Variants in LITAF observed in about 807,000 individuals in gnomAD.
LITAF encodes lipopolysaccharide induced TNF factor.
LITAF carries 9 observed loss-of-function variants against 14.5 expected under a neutral mutation model. That is an observed-to-expected ratio of 0.62 (90% CI 0.37 to 1.08). The LOEUF (loss-of-function observed/expected upper bound fraction) is 1.08. Ranked by LOEUF, LITAF falls within the 50% of genes least tolerant of loss-of-function variation. LITAF has a pLI of 0.01. For missense variants in LITAF, 206 were observed against 213.4 expected (o/e 0.97, Z 0.22); for synonymous variants, 98 against 88.2 (o/e 1.11, Z -0.62).
intron 1 of LITAF, among the ~76,000 whole-genome samples, chr16:11,565,004 A>G (rs886126206): frequency 8.6e-4 from 72 of 83,698 alleles, no homozygotes; most frequent in African/African-American, 3.6e-3. Flanking sequence ...GCACTGAATT[A>G]TCTTTTTTTT....
chr16:11,593,032 G>T (rs1475432171), intron 1 of LITAF, among the ~76,000 whole-genome samples: 1 of 152,078 alleles, frequency 6.6e-6, no homozygotes, highest in Non-Finnish European at 1.5e-5. Flanking sequence ...TTAGCCGGGC[G>T]TTATGGCAGG....
intron 1 of LITAF, among the ~76,000 whole-genome samples, chr16:11,565,703 GCA>G (rs895112391): frequency 4.6e-5 from 7 of 151,992 alleles, no homozygotes; most frequent in African/African-American, 1.4e-4. Flanking sequence ...CCTACCAACC[GCA>G]CAGTCTCTCG....
intron 3 of LITAF, among the ~76,000 whole-genome samples, chr16:11,615,372 A>G (rs1044409259): frequency 2.0e-5 from 3 of 152,214 alleles, no homozygotes; most frequent in Admixed American, 6.5e-5. Context: ...CCCCGTCTCT[A>G]CTAAAAATAC....
rs543334091 is a variant in LITAF at position 11,565,838 on chromosome 16, C to T, written c.-5-9103G>A. On this transcript the variant is annotated intron_variant, in intron 1 of 3. Transcript: ENST00000622633. ...ATTCCGCTTAGCTTGCGTGTCACCT[C>T]CTCCAAGAAGCCCTCTCTGCTTGCC... is the stretch of plus-strand genomic sequence containing the variant. Among the ~76,000 whole-genome samples, 10 of 151,632 alleles carry T rather than the reference C, an allele frequency of 6.6e-5. 1 individual carries two copies. In the South Asian group the frequency reaches 1.7e-3, roughly 25 times the overall value.
intron 1 of LITAF, among the ~76,000 whole-genome samples, chr16:11,570,578 T>C (rs1357878728): frequency 6.6e-6 from 1 of 152,216 alleles, no homozygotes; most frequent in Admixed American, 6.5e-5. Flanking sequence ...GCTCTGAATA[T>C]GTGACCTTAA....
Position 11,594,628 on chromosome 16 carries a change from C to A in LITAF, c.-6+3760G>T, listed in dbSNP as rs117639234. On this transcript the variant is annotated intron_variant, in intron 1 of 3. Coordinates refer to the LITAF transcript ENST00000571627. ...TGGTGGCTCACACCTGCAACCCCAA[C>A]ACTTTAGGAGGCTGAGGCAGGTGGA... Among the ~76,000 whole-genome samples the A allele has an allele frequency of 1.4e-3, 209 of 152,266 alleles. 2 individuals carry two copies. In the East Asian group the frequency reaches 0.018, roughly 13 times the overall value.
intron 1 of LITAF, among the ~76,000 whole-genome samples, chr16:11,595,203 A>G (rs1317809333): frequency 6.6e-6 from 1 of 152,196 alleles, no homozygotes; most frequent in Non-Finnish European, 1.5e-5. Flanking sequence ...TCCTCAAAAA[A>G]GGTCCATGCA....
At position 11,548,278 on chromosome 16, in the gene LITAF, G is replaced by A. The variant is rs1260033823; in HGVS notation, c.*1359C>T. ...AGCCCAGCTTTGTCTTGACTTCAAAGATGACACAGCAGCCAACCTAGAATC... is the reference window on the plus strand; with the variant it reads ...AGCCCAGCTTTGTCTTGACTTCAAAAATGACACAGCAGCCAACCTAGAATC... On this transcript the variant is annotated 3_prime_UTR_variant, in exon 4 of 4. Coordinates refer to ENST00000622633, the MANE Select transcript of LITAF (RefSeq NM_001136472.2). 2.2e-6 allele frequency: 1 copy of A among 453,936 alleles called. No individual in the cohort carries two copies. The highest frequency in any genetic ancestry group is 4.4e-6 in the Non-Finnish European group (1 of 226,778). 28.1% of individuals were successfully genotyped at this position (453,936 alleles called of 1,614,324 possible). A position where few individuals can be genotyped will look rare whatever the true frequency, so the allele number is the denominator to read the frequency against.
chr16:11,581,432 A>C lies in LITAF; in HGVS notation c.-6+5454T>G, dbSNP rs150562408. Among the ~76,000 whole-genome samples the C allele has an allele frequency of 6.4e-3, 979 of 152,200 alleles. 13 individuals carry two copies. Among genetic ancestry groups the C allele is most frequent in the African/African-American group, 0.022 (919 of 41,518 alleles). ...GAGGCCAAGATGGATGGATCACTTC[A>C]CTCCAAGAGTTTGAGACCAGCCTGG... On this transcript the variant is annotated intron_variant, in intron 1 of 3. Coordinates refer to ENST00000622633, the MANE Select transcript of LITAF (RefSeq NM_001136472.2).
In LITAF at chr16:11,551,666, A is replaced by C. The variant is rs75642914; in HGVS notation, c.377+1867T>G. ...TAAAACCCCTGCTTCCACACACACAAAAAAAAAATTTAAAAATTAGCTAGG... is the reference window on the plus strand; with the variant it reads ...TAAAACCCCTGCTTCCACACACACACAAAAAAAATTTAAAAATTAGCTAGG... On this transcript the variant is annotated intron_variant, in intron 3 of 3. Transcript: ENST00000622633. The C allele has an allele frequency of 5.1e-3, 3,139 of 617,554 alleles. 25 individuals are homozygous for C. The highest frequency in any genetic ancestry group is 0.014 in the East Asian group (486 of 34,284). The allele number at this position is 617,554 out of a possible 1,614,324, so 38.3% of individuals were successfully genotyped here. A position where few individuals can be genotyped will look rare whatever the true frequency, so the allele number is the denominator to read the frequency against.
chr16:11,563,722 G>C (rs1292812138), intron 1 of LITAF, among the ~76,000 whole-genome samples: 1 of 152,054 alleles, frequency 6.6e-6, no homozygotes, highest in Non-Finnish European at 1.5e-5. Flanking sequence ...GCCGAGGATG[G>C]AAAGTCACAA....
At chr16:11,562,322 A>G (rs2064382758) in intron 1 of LITAF, among the ~76,000 whole-genome samples, 1 of 151,190 alleles carries the variant, frequency 6.6e-6, no homozygotes, top group African/African-American at 2.4e-5. Context: ...TCAAAAAAAA[A>G]AAAAAAAAAA....
intron 3 of LITAF, among the ~76,000 whole-genome samples, chr16:11,629,622 C>T (rs2065105907): frequency 6.6e-6 from 1 of 152,174 alleles, no homozygotes; most frequent in Non-Finnish European, 1.5e-5. Flanking sequence ...CTCCTTCCTT[C>T]CTCTTCTTGG....
rs184419090 is a variant in LITAF, at chr16:11,548,734, G to A, written c.*903C>T. 1.1e-4 allele frequency: 49 copies of A among 453,608 alleles called. No homozygotes were observed. Among genetic ancestry groups the A allele is most frequent in the Admixed American group, 9.9e-4 (42 of 42,496 alleles). 28.1% of individuals were successfully genotyped at this position (453,608 alleles called of 1,614,324 possible). ...CTTATGCCTGCAATCCCAGCACTTC[G>A]GGAGGCCAAGGCAGAAGGATCGCTT... On this transcript the variant is annotated 3_prime_UTR_variant, in exon 4 of 4. Coordinates refer to ENST00000622633, the MANE Select transcript of LITAF (RefSeq NM_001136472.2).
At chr16:11,568,955 C>T (rs542121362) in intron 1 of LITAF, among the ~76,000 whole-genome samples, 1 of 152,200 alleles carries the variant, frequency 6.6e-6, no homozygotes, top group East Asian at 1.9e-4. Flanking sequence ...GCTGGAATTA[C>T]AGGCATGAGC....
intron 1 of LITAF, among the ~76,000 whole-genome samples, chr16:11,562,144 C>T (rs1004476901): frequency 6.6e-6 from 1 of 151,552 alleles, no homozygotes; most frequent in Non-Finnish European, 1.5e-5. Context: ...TGGTCATAAA[C>T]TCCTGGGCTC....
At chr16:11,562,790 T>G (rs1427541478) in intron 1 of LITAF, among the ~76,000 whole-genome samples, 1 of 151,868 alleles carries the variant, frequency 6.6e-6, no homozygotes, top group Admixed American at 6.6e-5. Context: ...CTGGCTGCTC[T>G]GGAGGCTAAG....
intron 3 of LITAF, among the ~76,000 whole-genome samples, chr16:11,604,998 G>C (rs532030493): frequency 1.3e-5 from 2 of 152,186 alleles, no homozygotes; most frequent in East Asian, 3.8e-4. Context: ...GGAAGTTGGA[G>C]CAATGCGGGA....
At chr16:11,611,649 C>CTTTT (rs1263920634) in intron 3 of LITAF, among the ~76,000 whole-genome samples, 1 of 150,748 alleles carries the variant, frequency 6.6e-6, no homozygotes, top group Admixed American at 6.6e-5. Flanking sequence ...TTCTTTCTTT[C>CTTTT]TTTTCTTTTT....
Sources: allele counts gnomAD v4.1 joint callset (sites outside exome capture counted in the v4.1 genomes callset), GRCh38; gene constraint gnomAD v4.1.1; transcripts MANE v1.5; gene names NCBI Gene and HGNC (gene_info 2026-07-23, HGNC 2026-07-21).